DNAI4: variants seen among roughly 807,000 people sequenced by gnomAD.
DNAI4 encodes dynein axonemal intermediate chain 4.
In DNAI4, 85 loss-of-function variants were observed where a neutral mutation model predicts 105.8. The ratio of observed to expected loss-of-function variants is 0.80; its 90% CI spans 0.67 to 0.96. The LOEUF (loss-of-function observed/expected upper bound fraction) is 0.96. Ranked by LOEUF, DNAI4 falls within the 40% of genes least tolerant of loss-of-function variation. DNAI4 has a pLI of 0.00. For missense variants in DNAI4, 1,014 were observed against 1,005.6 expected (o/e 1.01, Z -0.11); for synonymous variants, 352 against 331.5 (o/e 1.06, Z -0.67).
chr1:66,827,994 T>C, intron 13 of DNAI4, 84 bp from the exon 14 acceptor site: 1 of 829,840 alleles, frequency 1.2e-6, no homozygotes. Flanking sequence ...TCTGGATCTA[T>C]TAAAATCAAT....
chr1:66,815,442 A>T (rs1222485375), intron 16 of DNAI4, among the ~76,000 whole-genome samples: 1 of 152,210 alleles, frequency 6.6e-6, no homozygotes, highest in Non-Finnish European at 1.5e-5. Context: ...GTCTATCAGC[A>T]TTAATTTCTT....
Position 66,827,138 on chromosome 1 carries a change from A to T in DNAI4, c.2113-92T>A, listed in dbSNP as rs545507902. 6 of 1,088,258 alleles carry T rather than the reference A, an allele frequency of 5.5e-6. No individual in the cohort carries two copies. The African/African-American group carries it at 9.6e-5, about 17-fold the overall frequency. The allele number at this position is 1,088,258 out of a possible 1,614,324, so 67.4% of individuals were successfully genotyped here. A position where few individuals can be genotyped will look rare whatever the true frequency, so the allele number is the denominator to read the frequency against. On this transcript the variant is annotated intron_variant, in intron 14 of 16. Coordinates refer to ENST00000371026, the MANE Select transcript of DNAI4 (RefSeq NM_024763.5). The stretch of plus-strand genomic sequence containing the variant: ...AAATTAAAAATGCTAAGATTTCTAG[A>T]TTTTCACACTATTCATTATTGTGTG...
intron 2 of DNAI4, among the ~76,000 whole-genome samples, chr1:66,898,945 C>T (rs1404325879): frequency 1.3e-5 from 2 of 152,120 alleles, no homozygotes; most frequent in Admixed American, 1.3e-4. Flanking sequence ...TGCTTCATTC[C>T]TTTTTATGGT....
chr1:66,911,179 G>A lies in DNAI4; in HGVS notation c.171-5804C>T, dbSNP rs189388484. On this transcript the variant is annotated intron_variant, in intron 1 of 16. Coordinates refer to ENST00000371026, the MANE Select transcript of DNAI4 (RefSeq NM_024763.5). ...CTCCTTGGGTTCAGTTAATTTGCTA[G>A]AGTGGATCACAGAACTCAGAGAAAC... 1.7e-3 allele frequency among the ~76,000 whole-genome samples: 266 copies of A among 152,292 alleles called. 1 individual carries two copies. Among genetic ancestry groups the A allele is most frequent in the African/African-American group, 6.2e-3 (257 of 41,560 alleles).
intron 5 of DNAI4, among the ~76,000 whole-genome samples, chr1:66,874,523 G>A (rs954168115): frequency 3.3e-5 from 5 of 152,034 alleles, no homozygotes; most frequent in Middle Eastern, 3.4e-3. Context: ...TTAGAAGTTC[G>A]CCTAATTATT....
intron 7 of DNAI4, among the ~76,000 whole-genome samples, chr1:66,857,157 T>C (rs1402175432): frequency 6.6e-6 from 1 of 151,890 alleles, no homozygotes; most frequent in Non-Finnish European, 1.5e-5. Context: ...ACTGATTCCA[T>C]GGACCTAAGA....
At chr1:66,913,422 T>C (rs1263937572) in intron 1 of DNAI4, among the ~76,000 whole-genome samples, 1 of 152,208 alleles carries the variant, frequency 6.6e-6, no homozygotes, top group Non-Finnish European at 1.5e-5. Flanking sequence ...GATGAGGAAC[T>C]GAACTGTTGT....
intron 1 of DNAI4, among the ~76,000 whole-genome samples, chr1:66,912,678 T>C (rs1649750589): frequency 6.6e-6 from 1 of 152,168 alleles, no homozygotes; most frequent in Non-Finnish European, 1.5e-5. Flanking sequence ...CAGGACTTCC[T>C]GAGGCTGAGT....
intron 16 of DNAI4, among the ~76,000 whole-genome samples, chr1:66,819,514 G>A (rs542494133): frequency 6.6e-6 from 1 of 152,066 alleles, no homozygotes; most frequent in South Asian, 2.1e-4. Flanking sequence ...TGTTCATTCA[G>A]ATAGTCATTC....
At chr1:66,884,381 G>A (rs1336974348) in intron 4 of DNAI4, among the ~76,000 whole-genome samples, 1 of 152,110 alleles carries the variant, frequency 6.6e-6, no homozygotes, top group Non-Finnish European at 1.5e-5. Context: ...TTTTTAGTTT[G>A]AGGAACCTAC....
At chr1:66,873,286 G>A (rs1015767693) in intron 5 of DNAI4, among the ~76,000 whole-genome samples, 23 of 149,258 alleles carry the variant, frequency 1.5e-4, no homozygotes, top group African/African-American at 5.4e-4. Context: ...CGGTTGACCA[G>A]GCTGGAATGC....
At chr1:66,861,886 A>T (rs914415167) in intron 7 of DNAI4, among the ~76,000 whole-genome samples, 8 of 152,218 alleles carry the variant, frequency 5.3e-5, no homozygotes, top group Non-Finnish European at 1.2e-4. Context: ...TGGAACTCAC[A>T]TGTAGGAAAG....
chr1:66,909,112 C>G (rs1314498108), intron 1 of DNAI4, among the ~76,000 whole-genome samples: 2 of 152,110 alleles, frequency 1.3e-5, no homozygotes, highest in Non-Finnish European at 2.9e-5. Context: ...GTTTTTCTCT[C>G]TCTATTGGAT....
intron 6 of DNAI4, chr1:66,871,162 GA>G: frequency 2.1e-6 from 1 of 472,950 alleles, no homozygotes; most frequent in Non-Finnish European, 3.7e-6. Flanking sequence ...AAACCAAGAT[GA>G]ATAATTATGT....
At chr1:66,864,189 AC>A (rs1318039124) in intron 6 of DNAI4, among the ~76,000 whole-genome samples, 1 of 152,314 alleles carries the variant, frequency 6.6e-6, no homozygotes, top group East Asian at 1.9e-4. Flanking sequence ...AAACTTTCAA[AC>A]CTGTCAAATT....
Position 66,890,811 on chromosome 1 carries a change from A to AAAGAAGAGGAAAAGAGGAAGAGG in DNAI4, c.643+320_643+342dup, listed in dbSNP as rs1647553709. On this transcript the variant is annotated intron_variant, in intron 4 of 16. Coordinates refer to ENST00000371026, the MANE Select transcript of DNAI4 (RefSeq NM_024763.5). The surrounding 1 kb of genome is among the most constrained non-coding windows in gnomAD (Gnocchi z 4.1). Reference sequence around the variant, plus strand: ...GAAGAAGAAGTGAGGAAGAAGAGGAAAAGAAGAGGAAAAGAGGAAGAGGAA... The same window carrying AAAGAAGAGGAAAAGAGGAAGAGG: ...GAAGAAGAAGTGAGGAAGAAGAGGAAAAGAAGAGGAAAAGAGGAAGAGGAAGAAGAGGAAAAGAGGAAGAGGAA... The AAAGAAGAGGAAAAGAGGAAGAGG allele has an allele frequency of 3.2e-6, 1 of 314,862 alleles. No individual in the cohort carries two copies. Among genetic ancestry groups the AAAGAAGAGGAAAAGAGGAAGAGG allele is most frequent in the South Asian group, 2.9e-5 (1 of 34,860 alleles). 19.5% of individuals were successfully genotyped at this position (314,862 alleles called of 1,614,324 possible).
chr1:66,906,783 A>C (rs924404975), intron 1 of DNAI4: 1 of 152,162 alleles, frequency 6.6e-6, no homozygotes, highest in African/African-American at 2.4e-5. Flanking sequence ...TCTAAAAAAA[A>C]ATAAACTATC....
intron 16 of DNAI4, among the ~76,000 whole-genome samples, chr1:66,821,042 A>C (rs2100322326): frequency 6.6e-6 from 1 of 151,088 alleles, no homozygotes; most frequent in Non-Finnish European, 1.5e-5. Flanking sequence ...GGCTAGTCTC[A>C]GAAGTGGAAT....
chr1:66,814,445 T>C (rs1407205063), intron 16 of DNAI4, among the ~76,000 whole-genome samples: 2 of 152,104 alleles, frequency 1.3e-5, no homozygotes, highest in Non-Finnish European at 2.9e-5. Context: ...CTCGGCTCAC[T>C]GTAACCTCCG....
Sources: gnomAD v4.1 joint callset for allele counts (sites outside exome capture counted in the v4.1 genomes callset) on GRCh38, gnomAD v4.1.1 for gene constraint, Gnocchi (gnomAD v3.1) non-coding constraint, MANE v1.5 for transcripts, NCBI Gene and HGNC (gene_info 2026-07-23, HGNC 2026-07-21) for gene names.